Variants in NAA20 observed in about 807,000 individuals in gnomAD.
The protein encoded by NAA20 is N-alpha-acetyltransferase 20, NatB catalytic subunit, also known as N-alpha-acetyltransferase 20.
Under a neutral mutation model 23.8 loss-of-function variants are expected in NAA20, and 24 were observed. That is an observed-to-expected ratio of 1.01 (90% confidence interval 0.73 to 1.42). The LOEUF is 1.42. NAA20 is among the 40% of genes most tolerant of loss of function. The pLI is 0.00. For synonymous variants in NAA20, 83 were observed against 77.7 expected (o/e 1.07, Z -0.36); for missense variants, 166 against 223.1 (o/e 0.74, Z 1.63).
At chr20:20,032,438 AAAT>A in intron 4 of NAA20, 67 bp from the exon 5 acceptor site, 1 of 1,505,892 alleles carries the variant, frequency 6.6e-7, no homozygotes, top group Non-Finnish European at 9.0e-7. Context: ...GTTTTAAAAA[AAAT>A]ATGTATCTAT....
chr20:20,028,452 G>A (rs2043321154), intron 4 of NAA20, among the ~76,000 whole-genome samples: 2 of 151,948 alleles, frequency 1.3e-5, no homozygotes, highest in Non-Finnish European at 2.9e-5. Flanking sequence ...AAACCTGCAC[G>A]TTCTGCACAT....
intron 4 of NAA20, among the ~76,000 whole-genome samples, chr20:20,028,061 T>A (rs916341141): frequency 6.6e-6 from 1 of 152,188 alleles, no homozygotes; most frequent in Non-Finnish European, 1.5e-5. Flanking sequence ...CAAGCCAAAT[T>A]AGAGGCAAAG....
chr20:20,019,273 A>G (rs2043252276), intron 1 of NAA20, among the ~76,000 whole-genome samples: 1 of 152,184 alleles, frequency 6.6e-6, no homozygotes, highest in South Asian at 2.1e-4. Flanking sequence ...GTGGGCTGTC[A>G]TGTGATGACA....
At chr20:20,021,434 C>T (rs77148706) in intron 1 of NAA20, among the ~76,000 whole-genome samples, 5,879 of 152,210 alleles carry the variant, frequency 0.039, 411 homozygotes, top group African/African-American at 0.13. Context: ...CAGGACGTTG[C>T]AGAATTGTTA....
Position 20,033,155 on chromosome 20 carries a change from C to A in NAA20, c.505C>A (p.Pro169Thr). The change falls in exon 6 of 6, where the codon CCT (proline) becomes ACT (threonine). Residue 169 changes from proline (P) to threonine (T), a missense_variant. Coordinates refer to ENST00000334982, the MANE Select transcript of NAA20 (RefSeq NM_016100.5). ...DTEKKSIIPL[P>T]HPVRPEDIE ...TGAGAAGAAATCCATCATACCATTA[C>A]CTCATCCTGTGAGGCCTGAAGACAT... 6.2e-7 allele frequency: 1 copy of A among 1,613,722 alleles called. No homozygotes were observed. The highest frequency in any genetic ancestry group is 1.1e-5 in the South Asian group (1 of 91,070).
At chr20:20,021,709 T>C (rs1315612328) in intron 1 of NAA20, among the ~76,000 whole-genome samples, 2 of 152,216 alleles carry the variant, frequency 1.3e-5, no homozygotes, top group African/African-American at 2.4e-5. Context: ...AGCATTGTTA[T>C]GGGTCTCAAA....
chr20:20,020,561 T>C (rs2043260258), intron 1 of NAA20, among the ~76,000 whole-genome samples: 1 of 152,102 alleles, frequency 6.6e-6, no homozygotes, highest in African/African-American at 2.4e-5. Context: ...GACCTGAACT[T>C]CTCTGCCAAG....
At chr20:20,024,658 C>T (rs930295243) in intron 2 of NAA20, among the ~76,000 whole-genome samples, 1 of 152,090 alleles carries the variant, frequency 6.6e-6, no homozygotes, top group African/African-American at 2.4e-5. Context: ...TTGAAAGTAA[C>T]CTGTTAGGTC....
rs1212407321 is a variant in NAA20 at position 20,033,400 on chromosome 20, C to G, written c.*213C>G. 2 of 457,482 alleles carry G rather than the reference C, an allele frequency of 4.4e-6. No homozygotes were observed. The highest frequency in any genetic ancestry group is 4.1e-5 in the South Asian group (1 of 24,506). The allele number at this position is 457,482 out of a possible 1,614,324, so 28.3% of individuals were successfully genotyped here. A position where few individuals can be genotyped will look rare whatever the true frequency, so the allele number is the denominator to read the frequency against. On this transcript the variant is annotated 3_prime_UTR_variant, in exon 6 of 6. Coordinates refer to ENST00000334982, the MANE Select transcript of NAA20 (RefSeq NM_016100.5). Reference sequence around the variant, plus strand: ...GCTGTTCATTGTAACAAAATTCAATCAAAAAGGCAGCTAGGTCAGAAGGAA... The same window carrying G: ...GCTGTTCATTGTAACAAAATTCAATGAAAAAGGCAGCTAGGTCAGAAGGAA...
rs2043238332 is a variant in NAA20 at position 20,017,394 on chromosome 20, G to C, written c.-3G>C. The stretch of plus-strand genomic sequence containing the variant: ...AACGGTCTTCGGAAGCGGCGGCGGC[G>C]CGATGACCACGCTACGGGCCTTTAC... On this transcript the variant is annotated 5_prime_UTR_variant, in exon 1 of 6. Transcript: ENST00000334982. 3 of 1,611,358 alleles carry C rather than the reference G, an allele frequency of 1.9e-6. No homozygotes were observed. The highest frequency in any genetic ancestry group is 2.5e-6 in the Non-Finnish European group (3 of 1,179,330).
rs1224511087 is a variant in NAA20, at chr20:20,022,494, C to T, written c.78+14C>T. ...CTTACAGAAACTGTATCCTTTTTTACAAAAAAAAAAAAGTTGAATGAAGAT... is the reference window on the plus strand; with the variant it reads ...CTTACAGAAACTGTATCCTTTTTTATAAAAAAAAAAAAGTTGAATGAAGAT... On this transcript the variant is annotated intron_variant, in intron 2 of 5. Transcript: ENST00000334982. 2 of 1,189,078 alleles carry T rather than the reference C, an allele frequency of 1.7e-6. No homozygotes were observed. The highest frequency in any genetic ancestry group is 1.1e-6 in the Non-Finnish European group (1 of 886,922). 73.7% of individuals were successfully genotyped at this position (1,189,078 alleles called of 1,614,324 possible).
At chr20:20,032,964 CATTT>C (rs1440521249) in intron 5 of NAA20, 134 bp from the exon 6 acceptor site, 1 of 733,474 alleles carries the variant, frequency 1.4e-6, no homozygotes, top group African/African-American at 1.8e-5. Context: ...AATTGGGAGA[CATTT>C]ATAAATACAT....
chr20:20,019,819 C>A (rs2043255849), intron 1 of NAA20, among the ~76,000 whole-genome samples: 1 of 152,202 alleles, frequency 6.6e-6, no homozygotes, highest in East Asian at 1.9e-4. Flanking sequence ...CTCCCAGGCT[C>A]AAGTGATTCT....
At chr20:20,020,915 G>A (rs977907738) in intron 1 of NAA20, among the ~76,000 whole-genome samples, 2 of 152,088 alleles carry the variant, frequency 1.3e-5, no homozygotes, top group Admixed American at 1.3e-4. Flanking sequence ...ATGCAGGAGG[G>A]AAAGAGAATT....
At chr20:20,032,414 C>T (rs1024465206) in intron 4 of NAA20, 94 bp from the exon 5 acceptor site, 13 of 1,268,698 alleles carry the variant, frequency 1.0e-5, no homozygotes, top group Non-Finnish European at 1.4e-5. Context: ...GTAGTCAAAG[C>T]AAGGTAAAAA....
intron 5 of NAA20, 113 bp from the exon 6 acceptor site, chr20:20,032,989 A>G: frequency 1.2e-6 from 1 of 846,262 alleles, no homozygotes; most frequent in East Asian, 2.5e-5. Flanking sequence ...TTTGCTTAGA[A>G]TATGGTGAAG....
At chr20:20,031,529 A>T (rs968470004) in intron 4 of NAA20, among the ~76,000 whole-genome samples, 8 of 152,006 alleles carry the variant, frequency 5.3e-5, no homozygotes, top group African/African-American at 1.9e-4. Context: ...AGAACTTTTT[A>T]AAAAGGCCAT....
At chr20:20,020,380 G>A (rs2043259029) in intron 1 of NAA20, among the ~76,000 whole-genome samples, 1 of 152,208 alleles carries the variant, frequency 6.6e-6, no homozygotes, top group African/African-American at 2.4e-5. Context: ...TTAGGAATGA[G>A]TTACATGAAC....
At chr20:20,029,482 T>G (rs1313037208) in intron 4 of NAA20, among the ~76,000 whole-genome samples, 1 of 151,894 alleles carries the variant, frequency 6.6e-6, no homozygotes, top group East Asian at 1.9e-4. Flanking sequence ...CCGGGTGTGG[T>G]AGCACGTGAC....
Sources: gnomAD v4.1 joint callset for allele counts (sites outside exome capture counted in the v4.1 genomes callset) on GRCh38, gnomAD v4.1.1 for gene constraint, MANE v1.5 for transcripts, NCBI Gene and HGNC (gene_info 2026-07-23, HGNC 2026-07-21) for gene names.